MAP4K3: variants seen among roughly 807,000 people sequenced by gnomAD.
MAP4K3 encodes MAPK/ERK kinase kinase kinase 3.
A neutral mutation model predicts 143.5 loss-of-function variants in MAP4K3; 94 were observed. That is an observed-to-expected ratio of 0.65 (90% confidence interval 0.55 to 0.78). The LOEUF (loss-of-function observed/expected upper bound fraction) is 0.78. Ranked by LOEUF, MAP4K3 falls within the 30% of genes least tolerant of loss-of-function variation. The pLI, the probability that MAP4K3 is intolerant of heterozygous loss-of-function variation, is 0.00. For missense variants in MAP4K3, 1,077 were observed against 1,068.1 expected (o/e 1.01, Z -0.12); for synonymous variants, 416 against 347.2 (o/e 1.20, Z -2.20).
At chr2:39,364,316 G>C (rs967316147) in intron 2 of MAP4K3, among the ~76,000 whole-genome samples, 2 of 152,192 alleles carry the variant, frequency 1.3e-5, no homozygotes, top group Non-Finnish European at 2.9e-5. Context: ...AAATATTCTA[G>C]AGCATAATGT....
chr2:39,264,069 T>C (rs1680675561), intron 28 of MAP4K3, among the ~76,000 whole-genome samples: 1 of 152,178 alleles, frequency 6.6e-6, no homozygotes. Flanking sequence ...GAGGGACATA[T>C]TTAAAATAGC....
intron 1 of MAP4K3, among the ~76,000 whole-genome samples, chr2:39,383,219 TCA>T (rs1230473065): frequency 2.6e-5 from 4 of 152,038 alleles, no homozygotes; most frequent in African/African-American, 9.7e-5. Context: ...TTTAATTGAC[TCA>T]CAATTCCGCA....
chr2:39,404,809 C>A (rs1015819965), intron 1 of MAP4K3, among the ~76,000 whole-genome samples: 1 of 151,870 alleles, frequency 6.6e-6, no homozygotes, highest in Admixed American at 6.5e-5. Flanking sequence ...TTAGCAGAGA[C>A]GGGGTTTCTC....
At chr2:39,290,266 T>A in intron 19 of MAP4K3, 26 bp downstream of exon 19, 2 of 1,578,458 alleles carry the variant, frequency 1.3e-6, no homozygotes, top group Non-Finnish European at 1.7e-6. Flanking sequence ...CACACATATA[T>A]CAAATTGAAA....
At chr2:39,253,740 G>T (rs1680239026) in intron 32 of MAP4K3, among the ~76,000 whole-genome samples, 1 of 152,182 alleles carries the variant, frequency 6.6e-6, no homozygotes, top group Non-Finnish European at 1.5e-5. Context: ...TTACATGACT[G>T]AGATTGGCTT....
chr2:39,271,161 G>A (rs993490491), intron 26 of MAP4K3, among the ~76,000 whole-genome samples: 9 of 151,782 alleles, frequency 5.9e-5, no homozygotes. Flanking sequence ...ATTATAATAT[G>A]GTACAATAAG....
intron 13 of MAP4K3, among the ~76,000 whole-genome samples, chr2:39,309,986 T>G (rs886394672): frequency 3.9e-5 from 6 of 152,212 alleles, no homozygotes; most frequent in African/African-American, 1.4e-4. Flanking sequence ...TTTTTAAAAC[T>G]GACACTAATA....
intron 1 of MAP4K3, among the ~76,000 whole-genome samples, chr2:39,425,196 T>C (rs540903102): frequency 3.6e-4 from 49 of 137,912 alleles, no homozygotes; most frequent in African/African-American, 8.6e-4. Flanking sequence ...AAAATTAACA[T>C]AGAAATTCAC....
chr2:39,378,969 T>C (rs1016678099), intron 1 of MAP4K3, among the ~76,000 whole-genome samples: 2 of 151,960 alleles, frequency 1.3e-5, no homozygotes, highest in Admixed American at 6.6e-5. Context: ...TAAGATATTT[T>C]ATAATTGGAT....
intron 1 of MAP4K3, among the ~76,000 whole-genome samples, chr2:39,414,666 G>A (rs1314603476): frequency 2.0e-5 from 3 of 152,112 alleles, no homozygotes; most frequent in African/African-American, 7.2e-5. Flanking sequence ...ACGACATCAG[G>A]AGATCGAGAC....
At chr2:39,317,924 T>A (rs976957439) in intron 12 of MAP4K3, among the ~76,000 whole-genome samples, 3 of 152,136 alleles carry the variant, frequency 2.0e-5, no homozygotes, top group African/African-American at 7.2e-5. Flanking sequence ...GAATATAAGT[T>A]GTTCTACCAT....
intron 1 of MAP4K3, among the ~76,000 whole-genome samples, chr2:39,396,559 C>T (rs193253434): frequency 5.3e-5 from 8 of 151,016 alleles, no homozygotes; most frequent in African/African-American, 1.5e-4. Flanking sequence ...TTGCAAGCTC[C>T]GCCTCCTGGG....
At chr2:39,348,769 G>T (rs1208984402) in intron 3 of MAP4K3, among the ~76,000 whole-genome samples, 1 of 152,042 alleles carries the variant, frequency 6.6e-6, no homozygotes, top group Non-Finnish European at 1.5e-5. Flanking sequence ...AGTAGAGGGG[G>T]AAAAGTTAAC....
chr2:39,391,637 T>C (rs1192883705), intron 1 of MAP4K3, among the ~76,000 whole-genome samples: 2 of 152,180 alleles, frequency 1.3e-5, no homozygotes, highest in African/African-American at 2.4e-5. Context: ...GAACAGTGCC[T>C]GGAAGACAAC....
Position 39,249,929 on chromosome 2 carries a change from G to C in MAP4K3, c.*689C>G, listed in dbSNP as rs1014740972. On this transcript the variant is annotated 3_prime_UTR_variant, in exon 34 of 34. Transcript: ENST00000263881. ...ACATGTGGTTAATTATAATTGGTTT[G>C]CTTCACATAGAAAACAATCCAAATA... 1.3e-5 allele frequency: 2 copies of C among 152,192 alleles called. No homozygotes were observed. Among genetic ancestry groups the C allele is most frequent in the African/African-American group, 4.8e-5 (2 of 41,428 alleles). The allele number at this position is 152,192 out of a possible 1,614,324, so 9.4% of individuals were successfully genotyped here. A position where few individuals can be genotyped will look rare whatever the true frequency, so the allele number is the denominator to read the frequency against.
rs551395786 is a variant in MAP4K3 at position 39,372,473 on chromosome 2, T to G, written c.154+5593A>C. On this transcript the variant is annotated intron_variant, in intron 2 of 33. Coordinates refer to ENST00000263881, the MANE Select transcript of MAP4K3 (RefSeq NM_003618.4). Reference sequence around the variant, plus strand: ...TTAGGGACCCACAGAAGACCTAAAATAGCCAAAGCTATCCTAAGGAAAAAA... The same window carrying G: ...TTAGGGACCCACAGAAGACCTAAAAGAGCCAAAGCTATCCTAAGGAAAAAA... Among the ~76,000 whole-genome samples, 4 of 142,276 alleles carry G rather than the reference T, an allele frequency of 2.8e-5. No homozygotes were observed. The South Asian group carries it at 9.0e-4, about 32-fold the overall frequency. 93.3% of individuals were successfully genotyped at this position (142,276 alleles called of 152,430 possible). A position where few individuals can be genotyped will look rare whatever the true frequency, so the allele number is the denominator to read the frequency against.
intron 24 of MAP4K3, among the ~76,000 whole-genome samples, chr2:39,275,490 C>T (rs1449376370): frequency 6.6e-6 from 1 of 152,092 alleles, no homozygotes; most frequent in Non-Finnish European, 1.5e-5. Context: ...TCAAAAATAA[C>T]AACAACAACA....
chr2:39,347,601 A>ATT (rs1178062307), intron 3 of MAP4K3, among the ~76,000 whole-genome samples: 1 of 142,380 alleles, frequency 7.0e-6, no homozygotes, highest in Non-Finnish European at 1.5e-5. Flanking sequence ...AGTCATCTTA[A>ATT]TTTAAGTGTA....
chr2:39,340,042 G>A (rs1347757385), intron 4 of MAP4K3, among the ~76,000 whole-genome samples: 1 of 152,060 alleles, frequency 6.6e-6, no homozygotes, highest in Non-Finnish European at 1.5e-5. Flanking sequence ...ATCCTATTAT[G>A]TTGGAACAAT....
Sources: allele counts gnomAD v4.1 joint callset (sites outside exome capture counted in the v4.1 genomes callset), GRCh38; gene constraint gnomAD v4.1.1; transcripts MANE v1.5; gene names NCBI Gene and HGNC (gene_info 2026-07-23, HGNC 2026-07-21).